SORBS2: variants seen among roughly 807,000 people sequenced by gnomAD.
The protein encoded by SORBS2 is sorbin and SH3 domain containing 2, also known as sorbin and SH3 domain-containing protein 2.
SORBS2 carries 46 observed loss-of-function variants against 97.7 expected under a neutral mutation model. That is an observed-to-expected ratio of 0.47 (90% CI 0.37 to 0.60). The LOEUF is 0.60. SORBS2 is among the 20% of genes least tolerant of loss of function. The probability of loss-of-function intolerance (pLI) is 0.00; values close to 1 mark genes in which losing one functional copy is unlikely to be tolerated. For synonymous variants in SORBS2, 476 were observed against 473.4 expected (o/e 1.01, Z -0.07); for missense variants, 1,316 against 1,282.3 (o/e 1.03, Z -0.40).
At chr4:185,611,921 T>C (rs189336645) in exon 12 of SORBS2, 20 of 1,613,912 alleles carry the variant, frequency 1.2e-5, no homozygotes, top group Non-Finnish European at 1.7e-5. Context: ...TGTTGGTTCC[T>C]GGGATTTTAC....
At chr4:185,769,181 T>C (rs971523866) in intron 2 of SORBS2, among the ~76,000 whole-genome samples, 13 of 152,232 alleles carry the variant, frequency 8.5e-5, no homozygotes, top group Admixed American at 6.5e-5. Context: ...GATTTTGGAA[T>C]ATTTGCATAT....
chr4:185,840,034 T>C (rs1228416009), intron 1 of SORBS2, among the ~76,000 whole-genome samples: 1 of 152,150 alleles, frequency 6.6e-6, no homozygotes, highest in Non-Finnish European at 1.5e-5. Flanking sequence ...GAGGAGCATC[T>C]CTGAGCAGCA....
intron 1 of SORBS2, among the ~76,000 whole-genome samples, chr4:185,827,848 ATCATCAGCGTCACCATCATCATCATCG>A: frequency 1.2e-4 from 18 of 148,628 alleles, no homozygotes; most frequent in Middle Eastern, 3.6e-3. Context: ...CATCGTCACC[ATCATCAGCGTCACCATCATCATCATCG>A]TCACCATCAT....
chr4:185,943,898 G>A (rs760943995), intron 1 of SORBS2, among the ~76,000 whole-genome samples: 79 of 152,102 alleles, frequency 5.2e-4, no homozygotes, highest in Non-Finnish European at 7.1e-4. Flanking sequence ...ACACATGCCC[G>A]TGAGGACCTA....
At chr4:185,696,722 G>A (rs1299308516) in intron 2 of SORBS2, among the ~76,000 whole-genome samples, 3 of 152,172 alleles carry the variant, frequency 2.0e-5, no homozygotes, top group African/African-American at 4.8e-5. Context: ...GATTACAGGT[G>A]TGAGTCACTG....
At chr4:185,691,445 C>T (rs73013675) in intron 2 of SORBS2, among the ~76,000 whole-genome samples, 4,182 of 152,194 alleles carry the variant, frequency 0.027, 203 homozygotes, top group African/African-American at 0.096. Context: ...GAAATGATTG[C>T]CTGTTAAGTG....
Position 185,931,978 on chromosome 4 carries a change from G to GTCTC in SORBS2, c.-338+24214_-338+24217dup, listed in dbSNP as rs71598510. ...AGAGTACATCTTAAGGGAAGAACCTGTCTCTCTCTCTCTCTCTCTCTCTCT... is the reference window on the plus strand; with the variant it reads ...AGAGTACATCTTAAGGGAAGAACCTGTCTCTCTCTCTCTCTCTCTCTCTCTCTCT... On this transcript the variant is annotated intron_variant, in intron 1 of 20. Coordinates refer to the SORBS2 transcript ENST00000284776. Among the ~76,000 whole-genome samples the GTCTC allele has an allele frequency of 7.5e-3, 1,056 of 140,030 alleles. 17 individuals are homozygous for GTCTC. The highest frequency in any genetic ancestry group is 0.03 in the African/African-American group (1,022 of 34,592). The allele number at this position is 140,030 out of a possible 152,430, so 91.9% of individuals were successfully genotyped here. A position where few individuals can be genotyped will look rare whatever the true frequency, so the allele number is the denominator to read the frequency against.
intron 12 of SORBS2, among the ~76,000 whole-genome samples, chr4:185,602,991 T>C (rs1050292366): frequency 2.0e-5 from 3 of 152,246 alleles, no homozygotes; most frequent in Non-Finnish European, 4.4e-5. Context: ...GTCAGAAGTA[T>C]CTCATGTGGT....
At chr4:185,860,198 A>G (rs1396565557) in intron 1 of SORBS2, among the ~76,000 whole-genome samples, 1 of 152,224 alleles carries the variant, frequency 6.6e-6, no homozygotes, top group African/African-American at 2.4e-5. Flanking sequence ...TCGGGAAGCA[A>G]CTGTTGAACC....
intron 12 of SORBS2, among the ~76,000 whole-genome samples, chr4:185,603,761 C>T (rs2096333895): frequency 6.6e-6 from 1 of 152,150 alleles, no homozygotes; most frequent in East Asian, 1.9e-4. Context: ...CAAGGCCAGT[C>T]ATTAATTTTG....
chr4:185,780,090 A>G (rs952967243), intron 1 of SORBS2, among the ~76,000 whole-genome samples: 2 of 138,354 alleles, frequency 1.4e-5, no homozygotes, highest in South Asian at 4.6e-4. Flanking sequence ...ATCTCGGCTC[A>G]CCGCAACCTC....
chr4:185,869,257 C>G (rs976185600), intron 1 of SORBS2, among the ~76,000 whole-genome samples: 2 of 152,140 alleles, frequency 1.3e-5, no homozygotes, highest in African/African-American at 4.8e-5. Flanking sequence ...ATCTTTCTGA[C>G]TCACTGGAGA....
chr4:185,664,818 TA>T (rs756257038), intron 4 of SORBS2, among the ~76,000 whole-genome samples: 90 of 152,272 alleles, frequency 5.9e-4, no homozygotes, highest in Non-Finnish European at 1.1e-3. Context: ...GTAGCACAAA[TA>T]AAATTTTGTC....
intron 7 of SORBS2, 26 bp downstream of exon 19, chr4:185,622,888 G>A: frequency 6.4e-7 from 1 of 1,557,304 alleles, no homozygotes. Flanking sequence ...TGAACCACAA[G>A]GAAAAAGAAA....
intron 4 of SORBS2, chr4:185,665,760 G>A (rs2097585831): frequency 1.9e-6 from 2 of 1,048,428 alleles, no homozygotes; most frequent in South Asian, 3.2e-5. Flanking sequence ...TGGTTAAGGT[G>A]GTGCCATCTG....
rs539348195 is a variant in SORBS2 at position 185,606,773 on chromosome 4, C to T, written c.2796+5007G>A. Reference sequence around the variant, plus strand: ...TCTCCTTCCTGAGGTTCTGGCGGCCCTCTCTGGATGCCTGACACAATCCCC... The same window carrying T: ...TCTCCTTCCTGAGGTTCTGGCGGCCTTCTCTGGATGCCTGACACAATCCCC... On this transcript the variant is annotated intron_variant, in intron 12 of 14. Coordinates refer to ENST00000418609, the Ensembl canonical transcript of SORBS2. The surrounding 1 kb of genome is among the most constrained non-coding windows in gnomAD (Gnocchi z 4.3). 1.6e-5 allele frequency: 16 copies of T among 985,332 alleles called. No individual in the cohort carries two copies. In the African/African-American group the frequency reaches 2.6e-4, roughly 16 times the overall value. 61.0% of individuals were successfully genotyped at this position (985,332 alleles called of 1,614,324 possible). A position where few individuals can be genotyped will look rare whatever the true frequency, so the allele number is the denominator to read the frequency against.
chr4:185,879,766 G>A (rs34122211), intron 1 of SORBS2, among the ~76,000 whole-genome samples: 42,432 of 148,518 alleles, frequency 0.29, 6,181 homozygotes, highest in East Asian at 0.55. Flanking sequence ...TTCTCTGATG[G>A]CTTTGTTTTT....
intron 1 of SORBS2, among the ~76,000 whole-genome samples, chr4:185,802,038 C>T (rs910919174): frequency 1.3e-5 from 2 of 152,162 alleles, no homozygotes; most frequent in African/African-American, 4.8e-5. Context: ...CCACCTTGTT[C>T]GAGCCCCAAT....
intron 2 of SORBS2, among the ~76,000 whole-genome samples, chr4:185,752,278 A>C (rs999235025): frequency 1.3e-5 from 2 of 152,146 alleles, no homozygotes; most frequent in African/African-American, 4.8e-5. Context: ...TTATTTATTT[A>C]TTTATTTACT....
Sources: gnomAD v4.1 joint callset for allele counts (sites outside exome capture counted in the v4.1 genomes callset) on GRCh38, gnomAD v4.1.1 for gene constraint, Gnocchi (gnomAD v3.1) non-coding constraint, MANE v1.5 for transcripts, NCBI Gene and HGNC (gene_info 2026-07-23, HGNC 2026-07-21) for gene names.